The following SMOC2 variants were observed in gnomAD, a reference collection of about 807,000 sequenced individuals.
SMOC2 encodes SPARC-related modular calcium-binding protein 2.
Under a neutral mutation model 61.4 loss-of-function variants are expected in SMOC2, and 39 were observed. The observed-to-expected ratio is 0.64, with a 90% CI of 0.49 to 0.83. The LOEUF (loss-of-function observed/expected upper bound fraction) is 0.83, where lower values mean the gene tolerates loss of function less well. SMOC2 is among the 40% of genes least tolerant of loss of function. The pLI is 0.00. For missense variants in SMOC2, 556 were observed against 592.9 expected (o/e 0.94, Z 0.65); for synonymous variants, 247 against 239.9 (o/e 1.03, Z -0.27).
chr6:168,588,438 A>G (rs1785096114), intron 7 of SMOC2, among the ~76,000 whole-genome samples: 2 of 151,686 alleles, frequency 1.3e-5, no homozygotes. Flanking sequence ...CCCCTTTTCT[A>G]AAGGCTCATC....
intron 1 of SMOC2, among the ~76,000 whole-genome samples, chr6:168,505,599 C>G (rs1782856499): frequency 6.6e-6 from 1 of 152,110 alleles, no homozygotes; most frequent in African/African-American, 2.4e-5. Flanking sequence ...GGATGAATGA[C>G]TGAATGAAAT....
chr6:168,659,019 G>A (rs953825914), intron 11 of SMOC2, among the ~76,000 whole-genome samples: 1 of 149,854 alleles, frequency 6.7e-6, no homozygotes, highest in African/African-American at 2.5e-5. Context: ...TTTATGGTGT[G>A]TGGGGGTGTG....
At chr6:168,646,382 A>G (rs1787029684) in intron 9 of SMOC2, among the ~76,000 whole-genome samples, 1 of 152,184 alleles carries the variant, frequency 6.6e-6, no homozygotes, top group African/African-American at 2.4e-5. Flanking sequence ...GAGTTCCTTC[A>G]GGGGCAGTAC....
chr6:168,652,898 C>T, intron 10 of SMOC2, 56 bp from the exon 11 acceptor site: 2 of 1,560,516 alleles, frequency 1.3e-6, no homozygotes, highest in South Asian at 2.4e-5. Flanking sequence ...GGACAGTGGC[C>T]AGGAAGGAGC....
chr6:168,534,538 A>G (rs1307599142), intron 4 of SMOC2, among the ~76,000 whole-genome samples: 2 of 152,238 alleles, frequency 1.3e-5, no homozygotes, highest in Non-Finnish European at 2.9e-5. Flanking sequence ...ATCTGGGCCC[A>G]GCCTTTCCTC....
chr6:168,586,262 T>A (rs1350066984), intron 7 of SMOC2, among the ~76,000 whole-genome samples: 1 of 152,218 alleles, frequency 6.6e-6, no homozygotes, highest in Non-Finnish European at 1.5e-5. Flanking sequence ...TATTGAATTG[T>A]TTTGGTGCCT....
At position 168,473,852 on chromosome 6, in the gene SMOC2, G is replaced by A. The variant is rs554286567; in HGVS notation, c.84+32398G>A. ...GGGTGTGAGCGTGTGTGTGAGGAAGGAGGGCAGGGGGCTGCTGCCTGTTGG... is the reference window on the plus strand; with the variant it reads ...GGGTGTGAGCGTGTGTGTGAGGAAGAAGGGCAGGGGGCTGCTGCCTGTTGG... On this transcript the variant is annotated intron_variant, in intron 1 of 12. Transcript: ENST00000356284. 3.9e-4 allele frequency among the ~76,000 whole-genome samples: 60 copies of A among 152,246 alleles called. 2 individuals carry two copies. Among genetic ancestry groups the A allele is most frequent in the Non-Finnish European group, 5.7e-4 (39 of 67,996 alleles).
At position 168,650,761 on chromosome 6, in the gene SMOC2, G is replaced by C. The variant is rs199774537; in HGVS notation, c.988G>C (p.Asp330His). ...LSTDMVHAASDPSSSSGRLSE... is the reference protein window; with the variant it reads ...LSTDMVHAASHPSSSSGRLSE... ...CACGGACATGGTCCACGCCGCCTCC[G>C]ACCCCTCCTCCTCGTCAGGCAGGTA... The change falls in exon 10 of 13, where the codon GAC becomes CAC. Residue 330 changes from aspartate (D) to histidine (H), a missense_variant. Coordinates refer to ENST00000356284, the MANE Select transcript of SMOC2 (RefSeq NM_001166412.2). 1 of 1,612,120 alleles carries C rather than the reference G, an allele frequency of 6.2e-7. No individual in the cohort carries two copies. Among genetic ancestry groups the C allele is most frequent in the African/African-American group, 1.3e-5 (1 of 74,924 alleles).
intron 7 of SMOC2, among the ~76,000 whole-genome samples, chr6:168,558,722 G>A (rs796922777): frequency 5.3e-5 from 8 of 152,336 alleles, no homozygotes; most frequent in African/African-American, 1.9e-4. Context: ...AGGGATTCAG[G>A]GCATCTCTTG....
intron 7 of SMOC2, among the ~76,000 whole-genome samples, chr6:168,550,322 A>G (rs1202599387): frequency 6.6e-6 from 1 of 152,204 alleles, no homozygotes; most frequent in African/African-American, 2.4e-5. Flanking sequence ...ATGCATCCAT[A>G]TATTCTTCTG....
At chr6:168,504,025 G>T (rs1052550963) in intron 1 of SMOC2, among the ~76,000 whole-genome samples, 3 of 152,066 alleles carry the variant, frequency 2.0e-5, no homozygotes, top group East Asian at 3.9e-4. Context: ...GATTTGAGAG[G>T]CACTGGCCAC....
At chr6:168,524,558 A>C (rs1276088506) in intron 2 of SMOC2, among the ~76,000 whole-genome samples, 2 of 152,222 alleles carry the variant, frequency 1.3e-5, no homozygotes, top group East Asian at 3.8e-4. Flanking sequence ...ATTAGACCTA[A>C]TTTATAGCTC....
intron 9 of SMOC2, among the ~76,000 whole-genome samples, chr6:168,624,359 C>T (rs777555297): frequency 2.0e-5 from 3 of 152,164 alleles, no homozygotes; most frequent in African/African-American, 4.8e-5. Context: ...CATATGTAGA[C>T]GAAGCTCGCT....
At chr6:168,618,706 G>A (rs1459941395) in intron 9 of SMOC2, among the ~76,000 whole-genome samples, 1 of 152,186 alleles carries the variant, frequency 6.6e-6, no homozygotes, top group East Asian at 1.9e-4. Context: ...CCCGCATGGG[G>A]TGAGCACAGA....
chr6:168,599,098 C>A, intron 8 of SMOC2, 94 bp downstream of exon 8: 2 of 1,143,034 alleles, frequency 1.7e-6, no homozygotes, highest in African/African-American at 1.6e-5. Context: ...CAACACACAC[C>A]GACACACAGT....
intron 10 of SMOC2, among the ~76,000 whole-genome samples, chr6:168,651,946 CA>C (rs772625582): frequency 2.0e-5 from 3 of 150,674 alleles, no homozygotes; most frequent in Non-Finnish European, 2.9e-5. Context: ...GAGGCTAAGG[CA>C]GGAGAATCAC....
At chr6:168,550,517 C>A (rs1784107380) in intron 7 of SMOC2, among the ~76,000 whole-genome samples, 1 of 152,138 alleles carries the variant, frequency 6.6e-6, no homozygotes, top group African/African-American at 2.4e-5. Context: ...CCACTGATTT[C>A]CACCTGCAAA....
intron 1 of SMOC2, among the ~76,000 whole-genome samples, chr6:168,508,851 C>T (rs993226848): frequency 1.6e-4 from 24 of 152,202 alleles, no homozygotes; most frequent in Admixed American, 5.2e-4. Flanking sequence ...CACAGCTCTG[C>T]GCGTTTCTTT....
chr6:168,604,681 A>G (rs1411441509), intron 8 of SMOC2, among the ~76,000 whole-genome samples: 1 of 152,224 alleles, frequency 6.6e-6, no homozygotes, highest in Admixed American at 6.5e-5. Flanking sequence ...TAATCCAGTA[A>G]CAGTAAGAAG....
Sources: allele counts gnomAD v4.1 joint callset (sites outside exome capture counted in the v4.1 genomes callset), GRCh38; gene constraint gnomAD v4.1.1; transcripts MANE v1.5; gene names NCBI Gene and HGNC (gene_info 2026-07-23, HGNC 2026-07-21).